The following DLG2 variants were observed in gnomAD, a reference collection of about 807,000 sequenced individuals.
DLG2 encodes the protein disks large homolog 2.
A neutral mutation model predicts 132.5 loss-of-function variants in DLG2; 45 were observed. The ratio of observed to expected loss-of-function variants is 0.34; its 90% CI spans 0.27 to 0.44. The LOEUF (loss-of-function observed/expected upper bound fraction) is 0.44, where lower values mean the gene tolerates loss of function less well. Among genes scored for constraint, DLG2 ranks in the 20% least tolerant of loss-of-function variants. DLG2 has a pLI of 1.00. For missense variants in DLG2, 1,045 were observed against 1,196.9 expected, an observed-to-expected ratio of 0.87 and a Z score of 1.87; for synonymous variants, 424 against 419.6, an observed-to-expected ratio of 1.01 and a Z score of -0.13.
At position 85,012,290 on chromosome 11, in the gene DLG2, G is replaced by A. The variant is rs1477907417; in HGVS notation, c.357+99371C>T. 2.7e-5 allele frequency among the ~76,000 whole-genome samples: 2 copies of A among 74,094 alleles called. 1 individual carries two copies. Among genetic ancestry groups the A allele is most frequent in the East Asian group, 2.6e-3 (2 of 756 alleles). 48.6% of individuals were successfully genotyped at this position (74,094 alleles called of 152,430 possible). A position where few individuals can be genotyped will look rare whatever the true frequency, so the allele number is the denominator to read the frequency against. On this transcript the variant is annotated intron_variant, in intron 6 of 27. Coordinates refer to ENST00000376104, the MANE Select transcript of DLG2 (RefSeq NM_001142699.3). ...GCCTGTAATCCCAGCACTTTGGGAA[G>A]CTAAGGCGGGTGGATCACGAGGTCA...
intron 6 of DLG2, among the ~76,000 whole-genome samples, chr11:84,968,974 G>A (rs1456939523): frequency 6.6e-6 from 1 of 151,592 alleles, no homozygotes. Flanking sequence ...AGACTCTAAC[G>A]TGTGTAGAGC....
intron 3 of DLG2, among the ~76,000 whole-genome samples, chr11:85,456,280 T>C (rs1045315682): frequency 3.9e-5 from 6 of 152,182 alleles, no homozygotes; most frequent in Non-Finnish European, 7.3e-5. Context: ...GTTCTGATGG[T>C]TATTTGTATT....
At chr11:85,074,910 G>A (rs1249073136) in intron 6 of DLG2, among the ~76,000 whole-genome samples, 1 of 151,842 alleles carries the variant, frequency 6.6e-6, no homozygotes, top group African/African-American at 2.4e-5. Flanking sequence ...ATGGCAATAG[G>A]CCCTCACTGA....
intron 15 of DLG2, among the ~76,000 whole-genome samples, chr11:83,891,771 A>C (rs2069950179): frequency 6.6e-6 from 1 of 152,164 alleles, no homozygotes; most frequent in Non-Finnish European, 1.5e-5. Flanking sequence ...AACACCTCCT[A>C]TTATTTTGCT....
chr11:85,134,055 T>A (rs1326283621), intron 5 of DLG2, among the ~76,000 whole-genome samples: 1 of 148,186 alleles, frequency 6.7e-6, no homozygotes, highest in Non-Finnish European at 1.5e-5. Context: ...TGAGGGAGAG[T>A]GAGAGAGAGT....
At chr11:84,989,242 C>G (rs1032294304) in intron 6 of DLG2, among the ~76,000 whole-genome samples, 3 of 152,132 alleles carry the variant, frequency 2.0e-5, no homozygotes, top group Non-Finnish European at 4.4e-5. Context: ...GTGGTGTAAT[C>G]TCAGCTCACT....
chr11:83,737,081 C>A (rs1388681706), intron 18 of DLG2, among the ~76,000 whole-genome samples: 1 of 152,178 alleles, frequency 6.6e-6, no homozygotes, highest in African/African-American at 2.4e-5. Flanking sequence ...GCCCCAAAAA[C>A]CACACCTGTT....
intron 16 of DLG2, among the ~76,000 whole-genome samples, chr11:83,872,708 CA>C (rs933385301): frequency 6.6e-6 from 1 of 152,100 alleles, no homozygotes; most frequent in Non-Finnish European, 1.5e-5. Flanking sequence ...AGAAAGAAAA[CA>C]AAAGTTTGGA....
At chr11:85,465,567 G>A (rs1462292449) in intron 3 of DLG2, among the ~76,000 whole-genome samples, 1 of 151,456 alleles carries the variant, frequency 6.6e-6, no homozygotes, top group Admixed American at 6.6e-5. Flanking sequence ...TTGGTTTTTT[G>A]TCCTTGCGAT....
chr11:85,099,561 C>T (rs1035139034), intron 6 of DLG2, among the ~76,000 whole-genome samples: 1 of 152,048 alleles, frequency 6.6e-6, no homozygotes, highest in Non-Finnish European at 1.5e-5. Context: ...TGTTGTATGG[C>T]CTTCTATTTT....
At chr11:84,108,480 A>G (rs2093122225) in intron 9 of DLG2, among the ~76,000 whole-genome samples, 1 of 152,136 alleles carries the variant, frequency 6.6e-6, no homozygotes, top group South Asian at 2.1e-4. Flanking sequence ...AGATGAGAAG[A>G]GGAGTATGAT....
At chr11:84,635,037 T>C (rs1293155111) in intron 6 of DLG2, among the ~76,000 whole-genome samples, 1 of 152,232 alleles carries the variant, frequency 6.6e-6, no homozygotes, top group Non-Finnish European at 1.5e-5. Context: ...CAGGGGCCTC[T>C]GCAAAGAGCA....
At chr11:85,613,088 C>T (rs867855433) in intron 2 of DLG2, among the ~76,000 whole-genome samples, 4 of 152,140 alleles carry the variant, frequency 2.6e-5, no homozygotes, top group African/African-American at 9.7e-5. Flanking sequence ...AATCAGAAAA[C>T]GCCTTTCAAA....
At chr11:85,229,529 T>C (rs1219005075) in intron 4 of DLG2, among the ~76,000 whole-genome samples, 1 of 152,162 alleles carries the variant, frequency 6.6e-6, no homozygotes, top group African/African-American at 2.4e-5. Flanking sequence ...GGAATGCTTT[T>C]ACACTGTTGG....
chr11:83,851,974 T>C (rs1158718912), intron 16 of DLG2, among the ~76,000 whole-genome samples: 2 of 148,868 alleles, frequency 1.3e-5, no homozygotes, highest in East Asian at 3.9e-4. Flanking sequence ...ACCAGGAGAA[T>C]GCCATAAGAA....
rs181695825 is a variant in DLG2, at chr11:85,560,957, G to A, written c.40+37700C>T. 2.5e-3 allele frequency among the ~76,000 whole-genome samples: 376 copies of A among 151,634 alleles called. 7 individuals carry two copies. The highest frequency in any genetic ancestry group is 6.8e-3 in the Middle Eastern group (2 of 294). ...TGAGGTGGGAGGATTGCTTGAGCCTGAGAGGTCAAGGCTGCAGTGAGCTGT... is the reference window on the plus strand; with the variant it reads ...TGAGGTGGGAGGATTGCTTGAGCCTAAGAGGTCAAGGCTGCAGTGAGCTGT... On this transcript the variant is annotated intron_variant, in intron 3 of 27. Coordinates refer to ENST00000376104, the MANE Select transcript of DLG2 (RefSeq NM_001142699.3).
chr11:84,513,036 T>C (rs2099261660), intron 7 of DLG2, among the ~76,000 whole-genome samples: 2 of 151,938 alleles, frequency 1.3e-5, no homozygotes, highest in African/African-American at 4.8e-5. Flanking sequence ...ACCTAACTCA[T>C]GCGGGGCTTA....
At chr11:85,251,499 T>C (rs935785820) in intron 4 of DLG2, among the ~76,000 whole-genome samples, 2 of 152,176 alleles carry the variant, frequency 1.3e-5, no homozygotes, top group Admixed American at 6.5e-5. Context: ...CGTGAAAAAC[T>C]TGATACAGAT....
intron 6 of DLG2, among the ~76,000 whole-genome samples, chr11:84,689,526 T>C (rs542803640): frequency 1.3e-5 from 2 of 152,256 alleles, no homozygotes; most frequent in East Asian, 3.9e-4. Flanking sequence ...AATAAATTTA[T>C]AAGTATTTAT....
Sources: allele counts gnomAD v4.1 joint callset (sites outside exome capture counted in the v4.1 genomes callset), GRCh38; gene constraint gnomAD v4.1.1; transcripts MANE v1.5; gene names NCBI Gene and HGNC (gene_info 2026-07-23, HGNC 2026-07-21).